Variants in EEPD1 observed in about 807,000 individuals in gnomAD.
The protein encoded by EEPD1 is endonuclease/exonuclease/phosphatase family domain containing 1, also known as endonuclease/exonuclease/phosphatase family domain-containing protein 1.
In EEPD1, 17 loss-of-function variants were observed where a neutral mutation model predicts 46.3. The ratio of observed to expected loss-of-function variants is 0.37; its 90% CI spans 0.25 to 0.55. EEPD1 has a LOEUF of 0.55. EEPD1 is among the 20% of genes least tolerant of loss of function. EEPD1 has a pLI of 0.83. For synonymous variants in EEPD1, 313 were observed against 315.6 expected (o/e 0.99, Z 0.09); for missense variants, 673 against 745.6 (o/e 0.90, Z 1.13).
At chr7:36,279,140 G>A (rs2115866314) in intron 3 of EEPD1, among the ~76,000 whole-genome samples, 1 of 143,006 alleles carries the variant, frequency 7.0e-6, no homozygotes, top group Non-Finnish European at 1.5e-5. Flanking sequence ...TGTTTGTCAT[G>A]CTGTCATGCA....
At chr7:36,188,252 A>G (rs1044776421) in intron 2 of EEPD1, among the ~76,000 whole-genome samples, 8 of 152,150 alleles carry the variant, frequency 5.3e-5, no homozygotes, top group Non-Finnish European at 8.8e-5. Context: ...TAGTTGTACT[A>G]CAGCATTTTT....
chr7:36,198,337 G>GAAAAAAAAAAAAAAAAA (rs1785646235), intron 2 of EEPD1, among the ~76,000 whole-genome samples: 12 of 21,090 alleles, frequency 5.7e-4, no homozygotes, highest in East Asian at 1.9e-3. Flanking sequence ...AAAAAAAAAA[G>GAAAAAAAAAAAAAAAAA]AAAAGAAAAA....
intron 3 of EEPD1, among the ~76,000 whole-genome samples, chr7:36,264,851 A>G (rs1166823077): frequency 6.6e-6 from 1 of 152,122 alleles, no homozygotes; most frequent in Non-Finnish European, 1.5e-5. Context: ...CTCTGAGGAC[A>G]TTCTCCAAAG....
At chr7:36,208,464 A>T (rs566587786) in intron 2 of EEPD1, among the ~76,000 whole-genome samples, 59 of 152,324 alleles carry the variant, frequency 3.9e-4, no homozygotes, top group African/African-American at 1.3e-3. Context: ...TGGCTTTGAC[A>T]GTTGTCTCCA....
At chr7:36,238,088 A>G (rs900079919) in intron 2 of EEPD1, among the ~76,000 whole-genome samples, 1 of 152,156 alleles carries the variant, frequency 6.6e-6, no homozygotes, top group Non-Finnish European at 1.5e-5. Flanking sequence ...TTTAGACCAT[A>G]TAGGGTAACT....
chr7:36,234,160 C>T (rs1252341903), intron 2 of EEPD1, among the ~76,000 whole-genome samples: 2 of 152,156 alleles, frequency 1.3e-5, no homozygotes, highest in African/African-American at 4.8e-5. Flanking sequence ...CTCAAATGAT[C>T]TACCTGCCTT....
At chr7:36,298,477 AAT>A (rs1787560970) in intron 7 of EEPD1, among the ~76,000 whole-genome samples, 1 of 152,148 alleles carries the variant, frequency 6.6e-6, no homozygotes, top group Non-Finnish European at 1.5e-5. Context: ...TTCATTATTT[AAT>A]TATATTCAAA....
At chr7:36,169,579 G>T (rs1785043018) in intron 2 of EEPD1, among the ~76,000 whole-genome samples, 1 of 152,160 alleles carries the variant, frequency 6.6e-6, no homozygotes, top group Admixed American at 6.5e-5. Flanking sequence ...TTTCAAACTT[G>T]TTTCTAAGCT....
Position 36,154,772 on chromosome 7 carries a change from G to C in EEPD1, c.448G>C (p.Val150Leu). 6.2e-7 allele frequency: 1 copy of C among 1,614,098 alleles called. No homozygotes were observed. The highest frequency in any genetic ancestry group is 8.5e-7 in the Non-Finnish European group (1 of 1,180,020). ...AGCCACCCCGGCCCAGCTCATGAGCGTGCGAGGCCTCTCGGAGAAAATGGC... is the reference window on the plus strand; with the variant it reads ...AGCCACCCCGGCCCAGCTCATGAGCCTGCGAGGCCTCTCGGAGAAAATGGC... ...NTATPAQLMS[V>L]RGLSEKMALS... is the part of the protein sequence containing the mutation. The change falls in exon 2 of 8, where the codon GTG (valine) becomes CTG (leucine). Residue 150 changes from valine to leucine, a missense_variant. By Grantham distance (32) the Val-to-Leu change is conservative (BLOSUM62 1). Coordinates refer to ENST00000242108, the MANE Select transcript of EEPD1 (RefSeq NM_030636.3). The surrounding 1 kb of genome is among the most constrained non-coding windows in gnomAD (Gnocchi z 4.2).
intron 2 of EEPD1, among the ~76,000 whole-genome samples, chr7:36,206,933 C>T (rs1785830756): frequency 6.6e-6 from 1 of 152,134 alleles, no homozygotes; most frequent in African/African-American, 2.4e-5. Flanking sequence ...CCTGTAATCC[C>T]AGCTATTCGG....
At chr7:36,204,193 C>G (rs1785770566) in intron 2 of EEPD1, among the ~76,000 whole-genome samples, 1 of 151,668 alleles carries the variant, frequency 6.6e-6, no homozygotes, top group Non-Finnish European at 1.5e-5. Context: ...CACCACCACA[C>G]CCAGCCAATT....
At chr7:36,227,656 C>G (rs1254241718) in intron 2 of EEPD1, among the ~76,000 whole-genome samples, 1 of 152,140 alleles carries the variant, frequency 6.6e-6, no homozygotes, top group Non-Finnish European at 1.5e-5. Flanking sequence ...CAGTGGCTCA[C>G]ACCTGTAATC....
At chr7:36,188,137 T>C (rs1785395441) in intron 2 of EEPD1, among the ~76,000 whole-genome samples, 1 of 152,226 alleles carries the variant, frequency 6.6e-6, no homozygotes, top group Non-Finnish European at 1.5e-5. Flanking sequence ...TACTCTCTTA[T>C]TAATTCTCTG....
At chr7:36,232,070 A>G (rs1954513150) in intron 2 of EEPD1, among the ~76,000 whole-genome samples, 1 of 152,018 alleles carries the variant, frequency 6.6e-6, no homozygotes, top group Non-Finnish European at 1.5e-5. Flanking sequence ...GCTTCTTAAT[A>G]TTAATATGCA....
At position 36,166,643 on chromosome 7, in the gene EEPD1, C is replaced by T. The variant is rs370513855; in HGVS notation, c.878+11441C>T. Among the ~76,000 whole-genome samples the T allele has an allele frequency of 3.7e-4, 56 of 152,302 alleles. 1 individual carries two copies. The South Asian group carries it at 0.011, about 29-fold the overall frequency. On this transcript the variant is annotated intron_variant, in intron 2 of 7. Transcript: ENST00000242108. ...ACTGGATGAAGTATGAGAAATGAGA[C>T]TGTGAGATCACCCATAACCCCTAAT... is the stretch of plus-strand genomic sequence containing the variant.
intron 2 of EEPD1, among the ~76,000 whole-genome samples, chr7:36,180,915 C>T (rs1373558386): frequency 6.6e-6 from 1 of 151,846 alleles, no homozygotes; most frequent in Non-Finnish European, 1.5e-5. Context: ...CTCCTGGCCT[C>T]TCACCTCTTC....
At chr7:36,252,322 G>A (rs1004819918) in intron 3 of EEPD1, among the ~76,000 whole-genome samples, 2 of 152,260 alleles carry the variant, frequency 1.3e-5, no homozygotes, top group Admixed American at 6.5e-5. Context: ...GGTTTATTCT[G>A]GCGGTGAAGA....
At chr7:36,260,504 T>C (rs779768807) in intron 3 of EEPD1, among the ~76,000 whole-genome samples, 3 of 152,238 alleles carry the variant, frequency 2.0e-5, no homozygotes, top group Non-Finnish European at 4.4e-5. Flanking sequence ...ATTTCACTTA[T>C]GGGCTTCTGA....
In EEPD1 at chr7:36,155,047, T is replaced by A; in HGVS notation, c.723T>A (p.Ile241=). The change falls in exon 2 of 8, where the codon ATT becomes ATA. Residue 241 remains isoleucine, a synonymous_variant. Coordinates refer to ENST00000242108, the MANE Select transcript of EEPD1 (RefSeq NM_030636.3). The part of the protein sequence containing the change: ...LDLPPGGPTQ[I]ISTRPSVEAF... ...TGCCGCCAGGGGGGCCCACCCAGAT[T>A]ATCTCCACTCGGCCGTCCGTGGAGG... 6 of 1,602,346 alleles carry A rather than the reference T, an allele frequency of 3.7e-6. No homozygotes were observed. Among genetic ancestry groups the A allele is most frequent in the Non-Finnish European group, 5.1e-6 (6 of 1,172,822 alleles).
Sources: allele counts gnomAD v4.1 joint callset (sites outside exome capture counted in the v4.1 genomes callset), GRCh38; gene constraint gnomAD v4.1.1; non-coding constraint Gnocchi (gnomAD v3.1); transcripts MANE v1.5; gene names NCBI Gene and HGNC (gene_info 2026-07-23, HGNC 2026-07-21).